Variants in ZNF420 observed in about 807,000 individuals in gnomAD.
The protein encoded by ZNF420 is zinc finger protein 420, also known as ATM and p53-associated KZNF protein.
In ZNF420, 31 loss-of-function variants were observed where a neutral mutation model predicts 44.7. The ratio of observed to expected loss-of-function variants is 0.69; its 90% CI spans 0.52 to 0.94. The LOEUF is 0.94. Among genes scored for constraint, ZNF420 ranks in the 40% least tolerant of loss-of-function variants. ZNF420 has a pLI of 0.00. For missense variants in ZNF420, 681 were observed against 827.9 expected (o/e 0.82, Z 2.18); for synonymous variants, 245 against 267.4 (o/e 0.92, Z 0.82).
chr19:37,113,770 TC>T (rs1341554026), intron 4 of ZNF420, among the ~76,000 whole-genome samples: 1 of 152,214 alleles, frequency 6.6e-6, no homozygotes, highest in African/African-American at 2.4e-5. Context: ...TTTGACCTGT[TC>T]CTAATAGTTG....
intron 1 of ZNF420, among the ~76,000 whole-genome samples, chr19:37,062,542 G>C (rs1402126852): frequency 1.3e-5 from 2 of 152,018 alleles, no homozygotes; most frequent in Admixed American, 6.6e-5. Context: ...TCCTATGAAG[G>C]CCAGATTCAA....
chr19:37,096,305 A>C (rs1014598649), intron 4 of ZNF420, among the ~76,000 whole-genome samples: 12 of 151,678 alleles, frequency 7.9e-5, no homozygotes, highest in Non-Finnish European at 1.8e-4. Flanking sequence ...CTTATGTGTC[A>C]TACAATCCCA....
chr19:37,089,524 G>A (rs986843464), intron 3 of ZNF420, among the ~76,000 whole-genome samples: 18 of 152,168 alleles, frequency 1.2e-4, no homozygotes, highest in African/African-American at 3.1e-4. Context: ...TATGTGGCAA[G>A]CGCTCATGCT....
At chr19:37,036,654 A>G (rs1158299001) in intron 1 of ZNF420, among the ~76,000 whole-genome samples, 2 of 152,304 alleles carry the variant, frequency 1.3e-5, no homozygotes, top group Non-Finnish European at 1.5e-5. Flanking sequence ...AAGATAATAC[A>G]AAGTGGATTT....
intron 1 of ZNF420, among the ~76,000 whole-genome samples, chr19:37,010,894 C>A (rs1043444708): frequency 1.3e-5 from 2 of 152,100 alleles, no homozygotes; most frequent in Admixed American, 1.3e-4. Flanking sequence ...AGCAGACAAA[C>A]GTCAAAGAAG....
At chr19:37,044,733 G>T (rs1485590596) in intron 1 of ZNF420, among the ~76,000 whole-genome samples, 1 of 152,130 alleles carries the variant, frequency 6.6e-6, no homozygotes, top group Non-Finnish European at 1.5e-5. Context: ...CGGGCATGGT[G>T]CTGCTTGGAA....
At chr19:37,053,770 A>C (rs1043122233) in intron 1 of ZNF420, among the ~76,000 whole-genome samples, 2 of 151,784 alleles carry the variant, frequency 1.3e-5, no homozygotes, top group Non-Finnish European at 2.9e-5. Context: ...GTCTGCCCCT[A>C]CTGGGGAGTG....
At chr19:37,016,943 G>A (rs1044256119) in intron 1 of ZNF420, among the ~76,000 whole-genome samples, 8 of 152,144 alleles carry the variant, frequency 5.3e-5, no homozygotes, top group Non-Finnish European at 8.8e-5. Flanking sequence ...ATCCACAAGG[G>A]TTTCATAACC....
chr19:37,042,995 G>A (rs1050989221), intron 1 of ZNF420, among the ~76,000 whole-genome samples: 7 of 152,200 alleles, frequency 4.6e-5, no homozygotes, highest in African/African-American at 1.7e-4. Context: ...GGCCAGGGGA[G>A]CAGTCAGAAC....
chr19:37,103,980 C>G (rs760462901), intron 4 of ZNF420, among the ~76,000 whole-genome samples: 2 of 139,200 alleles, frequency 1.4e-5, no homozygotes, highest in Admixed American at 7.1e-5. Context: ...TTTTTTTTGT[C>G]TTTTTTTTTT....
At chr19:37,046,480 T>A (rs573719556) in intron 1 of ZNF420, among the ~76,000 whole-genome samples, 2 of 152,302 alleles carry the variant, frequency 1.3e-5, no homozygotes, top group East Asian at 3.9e-4. Context: ...GTAAATAAAT[T>A]ATACCCTTAA....
In ZNF420 at chr19:37,128,319, G is replaced by A. The variant is rs1399175343; in HGVS notation, c.1328G>A (p.Gly443Asp). The A allele has an allele frequency of 6.2e-7, 1 of 1,613,902 alleles. No homozygotes were observed. The highest frequency in any genetic ancestry group is 8.5e-7 in the Non-Finnish European group (1 of 1,179,984). The part of the protein sequence containing the change: ...LLTRHQRIHT[G>D]EKPYECKECG... ...ACACGACACCAGAGGATTCATACTG[G>A]TGAGAAACCCTATGAATGTAAAGAA... is the stretch of plus-strand genomic sequence containing the variant. Residue 443 changes from glycine to aspartate, a missense_variant, in exon 5 of 5, where the codon GGT (glycine) becomes GAT (aspartate). Physicochemically the swap from Gly to Asp is moderately conservative, Grantham distance 94. Transcript: ENST00000337995.
At chr19:37,121,227 C>T (rs1267826146) in intron 4 of ZNF420, among the ~76,000 whole-genome samples, 1 of 147,624 alleles carries the variant, frequency 6.8e-6, no homozygotes, top group African/African-American at 2.6e-5. Context: ...TCAAACTATA[C>T]TACAAGGCTA....
intron 1 of ZNF420, among the ~76,000 whole-genome samples, chr19:37,055,478 C>A (rs1967725408): frequency 6.6e-6 from 1 of 152,208 alleles, no homozygotes; most frequent in Admixed American, 6.5e-5. Context: ...CCCTCTCCAA[C>A]AACGCCCGCT....
intron 4 of ZNF420, among the ~76,000 whole-genome samples, chr19:37,108,099 C>T (rs1970194019): frequency 6.6e-6 from 1 of 152,140 alleles, no homozygotes; most frequent in Non-Finnish European, 1.5e-5. Context: ...TTGATCAATA[C>T]CAGATTGTGA....
chr19:37,059,119 G>T (rs1967816352), intron 1 of ZNF420, among the ~76,000 whole-genome samples: 1 of 152,238 alleles, frequency 6.6e-6, no homozygotes, highest in South Asian at 2.1e-4. Context: ...GAGCCCAGCA[G>T]GCGCCCTGAA....
At chr19:37,047,883 T>G (rs983360637) in intron 1 of ZNF420, among the ~76,000 whole-genome samples, 1 of 152,222 alleles carries the variant, frequency 6.6e-6, no homozygotes. Context: ...TGATTTTTAA[T>G]GTATCTGGGT....
intron 1 of ZNF420, among the ~76,000 whole-genome samples, chr19:37,067,420 A>G (rs1028619257): frequency 2.6e-5 from 4 of 152,210 alleles, no homozygotes; most frequent in East Asian, 1.9e-4. Flanking sequence ...AAATGGATCA[A>G]TTCATCCTTA....
chr19:37,078,362 C>A (rs887321094), upstream of ZNF420: 4 of 152,234 alleles, frequency 2.6e-5, no homozygotes, highest in Non-Finnish European at 5.9e-5. Flanking sequence ...AGAGGCACGG[C>A]GTCCGGAGCG....
Sources: gnomAD v4.1 joint callset for allele counts (sites outside exome capture counted in the v4.1 genomes callset) on GRCh38, gnomAD v4.1.1 for gene constraint, MANE v1.5 for transcripts, NCBI Gene and HGNC (gene_info 2026-07-23, HGNC 2026-07-21) for gene names.